The following TFEC variants were observed in gnomAD, a reference collection of about 807,000 sequenced individuals.
TFEC encodes the protein class E basic helix-loop-helix protein 34.
In TFEC, 31 loss-of-function variants were observed where a neutral mutation model predicts 41.6. The observed-to-expected ratio is 0.74, with a 90% confidence interval of 0.56 to 1.01. The LOEUF (loss-of-function observed/expected upper bound fraction) is 1.01, where lower values mean the gene tolerates loss of function less well. TFEC is among the 50% of genes least tolerant of loss of function. The pLI, the probability that TFEC is intolerant of heterozygous loss-of-function variation, is 0.00. For synonymous variants in TFEC, 143 were observed against 140.6 expected (o/e 1.02, Z -0.12); for missense variants, 402 against 404.1 (o/e 0.99, Z 0.04).
At chr7:116,098,381 C>T (rs908240964) in intron 3 of TFEC, among the ~76,000 whole-genome samples, 13 of 151,834 alleles carry the variant, frequency 8.6e-5, no homozygotes, top group East Asian at 1.9e-4. Context: ...CTGGTCTCGG[C>T]GTGAACCACT....
intron 5 of TFEC, among the ~76,000 whole-genome samples, chr7:115,951,554 T>C (rs572007962): frequency 6.6e-6 from 1 of 152,164 alleles, no homozygotes; most frequent in East Asian, 1.9e-4. Flanking sequence ...AAATAAGTGG[T>C]TTTTATACTT....
intron 1 of TFEC, among the ~76,000 whole-genome samples, chr7:116,009,122 T>C (rs1441786471): frequency 1.3e-5 from 2 of 152,192 alleles, no homozygotes; most frequent in Non-Finnish European, 2.9e-5. Context: ...TCTACCTCCA[T>C]TTATACATGC....
chr7:116,003,705 G>A (rs1389675262), intron 1 of TFEC, among the ~76,000 whole-genome samples: 2 of 152,022 alleles, frequency 1.3e-5, no homozygotes, highest in Non-Finnish European at 2.9e-5. Context: ...AAGCTCTCAT[G>A]GAATATGTAC....
At chr7:116,137,250 T>C (rs1798450534) in intron 1 of TFEC, among the ~76,000 whole-genome samples, 1 of 152,156 alleles carries the variant, frequency 6.6e-6, no homozygotes, top group Admixed American at 6.6e-5. Flanking sequence ...TTAAAAAGCA[T>C]CTGAGATATT....
intron 1 of TFEC, among the ~76,000 whole-genome samples, chr7:116,131,388 A>G (rs1220002086): frequency 6.6e-6 from 1 of 152,198 alleles, no homozygotes; most frequent in Non-Finnish European, 1.5e-5. Context: ...TCTGTAAGAC[A>G]GCTAAAATTC....
intron 1 of TFEC, among the ~76,000 whole-genome samples, chr7:116,150,071 T>A (rs1022621360): frequency 6.6e-6 from 1 of 151,612 alleles, no homozygotes; most frequent in African/African-American, 2.4e-5. Flanking sequence ...AGTTTGTTTC[T>A]GTTGGCTTTT....
chr7:115,985,797 A>T (rs143770504), intron 1 of TFEC, among the ~76,000 whole-genome samples: 1 of 152,268 alleles, frequency 6.6e-6, no homozygotes, highest in Admixed American at 6.5e-5. Flanking sequence ...GTAAAATAAC[A>T]TTTCATTAAA....
rs958157025 is a variant in TFEC at position 115,937,428 on chromosome 7, T to C, written c.*3123A>G. 2.0e-5 allele frequency: 3 copies of C among 151,776 alleles called. No individual in the cohort carries two copies. Among genetic ancestry groups the C allele is most frequent in the African/African-American group, 7.2e-5 (3 of 41,410 alleles). 9.4% of individuals were successfully genotyped at this position (151,776 alleles called of 1,614,324 possible). On this transcript the variant is annotated 3_prime_UTR_variant, in exon 8 of 8. Transcript: ENST00000265440. The stretch of plus-strand genomic sequence containing the variant: ...AGTCAAATTTTTCTAGAAGTCTATC[T>C]TGTTTCTTAGATACTCAAATAATTT...
chr7:115,980,192 A>C (rs1426848452), intron 2 of TFEC, among the ~76,000 whole-genome samples: 1 of 152,202 alleles, frequency 6.6e-6, no homozygotes, highest in East Asian at 1.9e-4. Context: ...AGTCATAAGC[A>C]TAAGTCTCTT....
rs116508332 is a variant in TFEC, at chr7:115,986,245, T to G, written c.-72-1732A>C. On this transcript the variant is annotated intron_variant, in intron 1 of 7. Coordinates refer to ENST00000265440, the MANE Select transcript of TFEC (RefSeq NM_012252.4). Reference sequence around the variant, plus strand: ...ATATTAAGCAACAGATACTAGGCACTATGCTAAACAATTTACATATATTAT... The same window carrying G: ...ATATTAAGCAACAGATACTAGGCACGATGCTAAACAATTTACATATATTAT... Among the ~76,000 whole-genome samples, 240 of 152,272 alleles carry G rather than the reference T, an allele frequency of 1.6e-3. 1 individual carries two copies. Among genetic ancestry groups the G allele is most frequent in the African/African-American group, 5.4e-3 (226 of 41,556 alleles).
chr7:116,043,833 T>C (rs1376813135), intron 3 of TFEC, among the ~76,000 whole-genome samples: 1 of 152,088 alleles, frequency 6.6e-6, no homozygotes, highest in African/African-American at 2.4e-5. Context: ...TCAATCTACT[T>C]CAGGTCATAA....
At chr7:115,973,706 C>T (rs568895307) in intron 3 of TFEC, among the ~76,000 whole-genome samples, 3 of 152,092 alleles carry the variant, frequency 2.0e-5, no homozygotes, top group African/African-American at 7.2e-5. Context: ...ACTTTAACCT[C>T]TGGCTATTGG....
chr7:116,076,536 A>C (rs1796964461), intron 3 of TFEC, among the ~76,000 whole-genome samples: 1 of 152,058 alleles, frequency 6.6e-6, no homozygotes, highest in Non-Finnish European at 1.5e-5. Flanking sequence ...GATACAGGAT[A>C]TGAAGGGAAA....
chr7:116,059,216 G>T (rs1426224204), intron 3 of TFEC, among the ~76,000 whole-genome samples: 10 of 151,838 alleles, frequency 6.6e-5, no homozygotes, highest in South Asian at 6.2e-4. Context: ...AGGATGATTA[G>T]TGTATATGAC....
chr7:116,152,755 C>A (rs532881684), intron 1 of TFEC, among the ~76,000 whole-genome samples: 3 of 152,140 alleles, frequency 2.0e-5, no homozygotes, highest in East Asian at 1.9e-4. Flanking sequence ...TGTTTCTGAG[C>A]GACTTAATTG....
intron 3 of TFEC, among the ~76,000 whole-genome samples, chr7:116,077,297 C>T (rs1796981456): frequency 6.6e-6 from 1 of 152,076 alleles, no homozygotes; most frequent in Admixed American, 6.6e-5. Context: ...TGAAACAAAT[C>T]CTTGAAATAC....
intron 1 of TFEC, among the ~76,000 whole-genome samples, chr7:115,998,989 T>C (rs1422496599): frequency 1.3e-5 from 2 of 152,004 alleles, no homozygotes; most frequent in South Asian, 2.1e-4. Flanking sequence ...ATAAACCTAA[T>C]AGATATTTAC....
At chr7:115,988,716 A>T (rs1294101640) in intron 1 of TFEC, among the ~76,000 whole-genome samples, 3 of 152,032 alleles carry the variant, frequency 2.0e-5, no homozygotes, top group Non-Finnish European at 4.4e-5. Context: ...CAAACCACAG[A>T]TCCAGGAAGC....
At chr7:116,044,776 C>T (rs1231452090) in intron 3 of TFEC, among the ~76,000 whole-genome samples, 1 of 152,236 alleles carries the variant, frequency 6.6e-6, no homozygotes, top group Non-Finnish European at 1.5e-5. Flanking sequence ...GAGGCATAAT[C>T]TGTAGTTCCA....
Sources: allele counts gnomAD v4.1 joint callset (sites outside exome capture counted in the v4.1 genomes callset), GRCh38; gene constraint gnomAD v4.1.1; transcripts MANE v1.5; gene names NCBI Gene and HGNC (gene_info 2026-07-23, HGNC 2026-07-21).